Variants in ECRG4 observed in about 807,000 individuals in gnomAD.
ECRG4 encodes augurin.
Under a neutral mutation model 15.8 loss-of-function variants are expected in ECRG4, and 18 were observed. That is an observed-to-expected ratio of 1.14 (90% CI 0.79 to 1.69). ECRG4 has a LOEUF of 1.69. ECRG4 is among the 40% of genes most tolerant of loss of function. The pLI is 0.00. For missense variants in ECRG4, 200 were observed against 190.9 expected (o/e 1.05, Z -0.28); for synonymous variants, 82 against 73.9 (o/e 1.11, Z -0.56).
intron 3 of ECRG4, 25 bp from the exon 4 acceptor site, chr2:106,077,740 T>C (rs1316341703): frequency 6.2e-7 from 1 of 1,610,788 alleles, no homozygotes; most frequent in African/African-American, 1.3e-5. Flanking sequence ...ATCCATTCTC[T>C]ATCATTCTCT....
chr2:106,071,383 A>AAAAT (rs1558656826), intron 1 of ECRG4, among the ~76,000 whole-genome samples: 1 of 148,332 alleles, frequency 6.7e-6, no homozygotes, highest in Non-Finnish European at 1.5e-5. Flanking sequence ...AAATAAAAAA[A>AAAAT]AAATAAAAAT....
chr2:106,071,111 A>G (rs1429689254), intron 1 of ECRG4: 1 of 442,966 alleles, frequency 2.3e-6, no homozygotes, highest in Non-Finnish European at 4.6e-6. Flanking sequence ...TGATCTGGGC[A>G]AGCTACAAAA....
chr2:106,070,989 C>T (rs1273381973), intron 1 of ECRG4: 2 of 471,186 alleles, frequency 4.2e-6, no homozygotes, highest in Admixed American at 2.3e-5. Context: ...GGCGTGTGTT[C>T]TATCAGGCCA....
At position 106,073,355 on chromosome 2, in the gene ECRG4, C is replaced by A. The variant is rs111922422; in HGVS notation, c.128-531C>A. ...GGCTTAAGGGGATTCTGTGTCCCAG[C>A]AGCCTGGTGTGAGAATCAGCTGTAC... On this transcript the variant is annotated intron_variant, in intron 2 of 3. Transcript: ENST00000238044. Among the ~76,000 whole-genome samples, 611 of 152,338 alleles carry A rather than the reference C, an allele frequency of 4.0e-3. 5 individuals carry two copies. Among genetic ancestry groups the A allele is most frequent in the African/African-American group, 0.014 (573 of 41,568 alleles).
intron 1 of ECRG4, chr2:106,070,725 A>G (rs181648277): frequency 3.6e-6 from 1 of 279,710 alleles, no homozygotes; most frequent in East Asian, 8.8e-5. Context: ...GGCAAAAGCT[A>G]TGGTTCCTAT....
chr2:106,069,663 A>G (rs914289444), intron 1 of ECRG4, among the ~76,000 whole-genome samples: 1 of 152,150 alleles, frequency 6.6e-6, no homozygotes, highest in Non-Finnish European at 1.5e-5. Flanking sequence ...TAGGTTAAAC[A>G]CCTAAATTCC....
At chr2:106,073,787 C>T (rs1676420773) in intron 2 of ECRG4, 99 bp from the exon 3 acceptor site, 27 of 1,423,326 alleles carry the variant, frequency 1.9e-5, no homozygotes, top group Non-Finnish European at 2.3e-5. Context: ...AACCCTCCTA[C>T]ACATGGTGGT....
At chr2:106,071,047 T>C (rs1676355140) in intron 1 of ECRG4, 1 of 470,732 alleles carries the variant, frequency 2.1e-6, no homozygotes, top group South Asian at 1.5e-5. Context: ...AGAAACACTT[T>C]TAAAAGTGAA....
intron 3 of ECRG4, chr2:106,074,340 T>A: frequency 3.2e-6 from 1 of 307,792 alleles, no homozygotes; most frequent in Admixed American, 4.3e-5. Context: ...CCCTTTTAAC[T>A]TGGCTGAACA....
upstream of ECRG4, chr2:106,065,607 C>A: frequency 2.1e-6 from 1 of 478,186 alleles, no homozygotes; most frequent in Non-Finnish European, 3.5e-6. Context: ...TGGCCCTCAG[C>A]CCTCTGGCGC....
chr2:106,065,741 C>T lies in ECRG4; in HGVS notation c.-24C>T. On this transcript the variant is annotated 5_prime_UTR_variant, in exon 1 of 4. Transcript: ENST00000238044. Reference sequence around the variant, plus strand: ...GCAGCACCTCGAAGTGCGCCCCTCGCCCTCCTGCTCGCGCCCCGCCGCCAT... The same window carrying T: ...GCAGCACCTCGAAGTGCGCCCCTCGTCCTCCTGCTCGCGCCCCGCCGCCAT... 6.8e-7 allele frequency: 1 copy of T among 1,471,110 alleles called. No individual in the cohort carries two copies. The highest frequency in any genetic ancestry group is 9.0e-7 in the Non-Finnish European group (1 of 1,116,680). The allele number at this position is 1,471,110 out of a possible 1,614,324, so 91.1% of individuals were successfully genotyped here.
At chr2:106,067,386 A>T (rs932204011) in intron 1 of ECRG4, among the ~76,000 whole-genome samples, 2 of 152,196 alleles carry the variant, frequency 1.3e-5, no homozygotes, top group Non-Finnish European at 2.9e-5. Context: ...TATTTTCAGG[A>T]CTTGTATTTT....
At chr2:106,063,478 AC>A (rs1676143883), upstream of ECRG4, 1 of 152,264 alleles carries the variant, frequency 6.6e-6, no homozygotes, top group Admixed American at 6.5e-5. Flanking sequence ...ATAAGAACTG[AC>A]ATAGTGTCTC....
upstream of ECRG4, chr2:106,065,546 G>A (rs569563331): frequency 1.0e-5 from 4 of 382,628 alleles, no homozygotes; most frequent in Admixed American, 9.3e-5. Context: ...TGGGGCCGGG[G>A]CGGGAGAGAG....
upstream of ECRG4, chr2:106,065,679 C>T (rs1400566069): frequency 2.9e-5 from 31 of 1,073,046 alleles, no homozygotes; most frequent in Non-Finnish European, 3.5e-5. Context: ...GCCGCGCCTG[C>T]CCGCTCGCAC....
intron 1 of ECRG4, among the ~76,000 whole-genome samples, chr2:106,069,207 A>C (rs72943582): frequency 0.28 from 27,936 of 98,434 alleles, 3,009 homozygotes; most frequent in South Asian, 0.46. Context: ...TTTCTTTTTT[A>C]TTTTCTTTTC....
At chr2:106,068,914 T>C (rs1676280806) in intron 1 of ECRG4, among the ~76,000 whole-genome samples, 2 of 152,330 alleles carry the variant, frequency 1.3e-5, no homozygotes, top group Admixed American at 6.5e-5. Context: ...CAAGTGCTCA[T>C]CTATGTTTAT....
chr2:106,065,904 T>C, intron 1 of ECRG4, 61 bp downstream of exon 1: 1 of 1,380,634 alleles, frequency 7.2e-7, no homozygotes, highest in Non-Finnish European at 9.5e-7. Flanking sequence ...CATGTGGCGC[T>C]TCCATGGTGC....
intron 1 of ECRG4, among the ~76,000 whole-genome samples, chr2:106,067,229 T>C (rs1411397709): frequency 6.6e-6 from 1 of 151,244 alleles, no homozygotes; most frequent in African/African-American, 2.4e-5. Flanking sequence ...GAGGAGGAGA[T>C]TGCGGCGAGC....
Sources: gnomAD v4.1 joint callset for allele counts (sites outside exome capture counted in the v4.1 genomes callset) on GRCh38, gnomAD v4.1.1 for gene constraint, MANE v1.5 for transcripts, NCBI Gene and HGNC (gene_info 2026-07-23, HGNC 2026-07-21) for gene names.